Variants in SEPTIN4 observed in about 807,000 individuals in gnomAD.
The protein encoded by SEPTIN4 is septin-4.
Under a neutral mutation model 107.1 loss-of-function variants are expected in SEPTIN4, and 52 were observed. The ratio of observed to expected loss-of-function variants is 0.49; its 90% confidence interval spans 0.39 to 0.61. The LOEUF (loss-of-function observed/expected upper bound fraction) is 0.61, where lower values mean the gene tolerates loss of function less well. Among genes scored for constraint, SEPTIN4 ranks in the 20% least tolerant of loss-of-function variants. The pLI is 0.00. For missense variants in SEPTIN4, 1,048 were observed against 1,243.5 expected (o/e 0.84, Z 2.36); for synonymous variants, 417 against 467.0 (o/e 0.89, Z 1.38).
At chr17:58,532,075 G>T (rs1167088580) in intron 3 of SEPTIN4, 2 of 1,097,528 alleles carry the variant, frequency 1.8e-6, no homozygotes, top group Admixed American at 5.1e-5. Flanking sequence ...CCCCGAGTGC[G>T]GACCGCTGCG....
intron 3 of SEPTIN4, among the ~76,000 whole-genome samples, chr17:58,537,694 G>C (rs1331514322): frequency 5.9e-5 from 9 of 152,032 alleles, no homozygotes; most frequent in Admixed American, 2.0e-4. Context: ...GCTGGGCGTG[G>C]TGGCGGGTGC....
intron 7 of SEPTIN4, among the ~76,000 whole-genome samples, chr17:58,523,739 C>T (rs1406314207): frequency 1.3e-5 from 2 of 151,862 alleles, no homozygotes; most frequent in Non-Finnish European, 2.9e-5. Context: ...GAACACGGGG[C>T]CCTACATTTT....
intron 3 of SEPTIN4, among the ~76,000 whole-genome samples, chr17:58,539,744 GGAGA>G (rs1458413595): frequency 6.6e-6 from 1 of 152,056 alleles, no homozygotes; most frequent in African/African-American, 2.4e-5. Flanking sequence ...AGGAAGGGAG[GGAGA>G]GAGAGAGGAG....
Position 58,521,649 on chromosome 17 carries a change from G to A in SEPTIN4, c.2470-3C>T. The A allele has an allele frequency of 6.2e-7, 1 of 1,614,196 alleles. No homozygotes were observed. Among genetic ancestry groups the A allele is most frequent in the Non-Finnish European group, 8.5e-7 (1 of 1,180,034 alleles). On this transcript the variant is annotated splice_polypyrimidine_tract_variant and splice_region_variant and intron_variant, in intron 9 of 13. Coordinates refer to ENST00000672673, the MANE Select transcript of SEPTIN4 (RefSeq NM_001368771.2). This position sits in a 1 kb window ranked among gnomAD's most constrained non-coding sequence, Gnocchi z 6.4. ...AAATGCTCAATCTCCTCCCGGATCT[G>A]ACAAACAGATGAGGGGCCCACAGTT...
rs375774584 is a variant in SEPTIN4, at chr17:58,527,673, C to T, written c.1615-695G>A. ...GGGCCCTGGGAGAGAAGAGTAAACC[C>T]GCCAGTGGATGCTGACTGTGGGTGG... On this transcript the variant is annotated intron_variant, in intron 3 of 13. Coordinates refer to ENST00000672673, the MANE Select transcript of SEPTIN4 (RefSeq NM_001368771.2). 2.1e-5 allele frequency: 5 copies of T among 234,886 alleles called. No homozygotes were observed. The South Asian group carries it at 4.6e-4, about 22-fold the overall frequency. 14.6% of individuals were successfully genotyped at this position (234,886 alleles called of 1,614,324 possible). A position where few individuals can be genotyped will look rare whatever the true frequency, so the allele number is the denominator to read the frequency against.
chr17:58,542,806 C>A lies in SEPTIN4; in HGVS notation c.1381G>T (p.Gly461Cys), dbSNP rs17822735. The change falls in exon 1 of 14, where the codon GGT (glycine) becomes TGT (cysteine). Residue 461 changes from glycine (G) to cysteine (C), a missense_variant. Physicochemically the swap from Gly to Cys is radical, Grantham distance 159. Coordinates refer to ENST00000672673, the MANE Select transcript of SEPTIN4 (RefSeq NM_001368771.2). ...CSPSLDLLLS[G>C]FKIDSSPFCE... ...AAAGGGCTAGAGTCTATTTTAAAACCGGACAATAAAAGATCTAGGGAAGGA... is the reference window on the plus strand; with the variant it reads ...AAAGGGCTAGAGTCTATTTTAAAACAGGACAATAAAAGATCTAGGGAAGGA... 1.2e-6 allele frequency: 2 copies of A among 1,613,876 alleles called. No homozygotes were observed. The highest frequency in any genetic ancestry group is 4.5e-5 in the East Asian group (2 of 44,856).
chr17:58,520,643 A>C, intron 13 of SEPTIN4, 100 bp downstream of exon 13: 4 of 1,551,902 alleles, frequency 2.6e-6, no homozygotes, highest in Non-Finnish European at 3.5e-6. Flanking sequence ...CCAGGACCCA[A>C]ATATGCACCA....
rs1219672723 is a variant in SEPTIN4 at position 58,524,902 on chromosome 17, T to A, written c.2216+176A>T. 5 of 747,256 alleles carry A rather than the reference T, an allele frequency of 6.7e-6. No individual in the cohort carries two copies. The Admixed American group carries it at 9.6e-5, about 14-fold the overall frequency. The allele number at this position is 747,256 out of a possible 1,614,324, so 46.3% of individuals were successfully genotyped here. A position where few individuals can be genotyped will look rare whatever the true frequency, so the allele number is the denominator to read the frequency against. On this transcript the variant is annotated intron_variant, in intron 7 of 13. Coordinates refer to ENST00000672673, the MANE Select transcript of SEPTIN4 (RefSeq NM_001368771.2). Reference sequence around the variant, plus strand: ...GAACATTAAAAATCATCTATTCCAATCCTTTCCCTCTTACTTTATAAAGGA... The same window carrying A: ...GAACATTAAAAATCATCTATTCCAAACCTTTCCCTCTTACTTTATAAAGGA...
In SEPTIN4 at chr17:58,521,604, A is replaced by G. The variant is rs1237157492; in HGVS notation, c.2512T>C (p.Phe838Leu). Residue 838 changes from phenylalanine to leucine, a missense_variant, in exon 10 of 14, where the codon TTC (phenylalanine) becomes CTC (leucine). Transcript: ENST00000672673. The surrounding 1 kb of genome is among the most constrained non-coding windows in gnomAD (Gnocchi z 6.4). ...IEHFGIKIYQFPDCDSDEDED... is the reference protein window; with the variant it reads ...IEHFGIKIYQLPDCDSDEDED... The stretch of plus-strand genomic sequence containing the variant: ...TCCTCATCAGAGTCACAGTCTGGGA[A>G]TTGATAGATCTTGATTCCAAAATGC... The G allele has an allele frequency of 6.2e-7, 1 of 1,614,210 alleles. No individual in the cohort carries two copies. The highest frequency in any genetic ancestry group is 8.5e-7 in the Non-Finnish European group (1 of 1,180,036).
chr17:58,522,837 T>TA (rs2042420709), intron 7 of SEPTIN4, among the ~76,000 whole-genome samples: 1 of 152,074 alleles, frequency 6.6e-6, no homozygotes, highest in Non-Finnish European at 1.5e-5. Flanking sequence ...TTCAAGGCCC[T>TA]AAGAACCATC....
chr17:58,535,422 T>C (rs1337618939), intron 3 of SEPTIN4, among the ~76,000 whole-genome samples: 1 of 152,212 alleles, frequency 6.6e-6, no homozygotes, highest in Non-Finnish European at 1.5e-5. Flanking sequence ...ACAAACCTCC[T>C]AATGTGACTA....
At chr17:58,533,958 C>T (rs556338700) in intron 3 of SEPTIN4, among the ~76,000 whole-genome samples, 4 of 152,178 alleles carry the variant, frequency 2.6e-5, no homozygotes, top group South Asian at 2.1e-4. Context: ...TGCCCCTCCC[C>T]GTGGCCTCAG....
intron 3 of SEPTIN4, chr17:58,529,063 A>C: frequency 1.3e-6 from 2 of 1,598,200 alleles, no homozygotes; most frequent in Non-Finnish European, 1.7e-6. Context: ...ATCCCAGCCA[A>C]GGCAGGGGGA....
At chr17:58,535,478 G>A (rs915494472) in intron 3 of SEPTIN4, among the ~76,000 whole-genome samples, 14 of 152,212 alleles carry the variant, frequency 9.2e-5, no homozygotes, top group African/African-American at 2.4e-4. Context: ...GCCTCTGCTC[G>A]AATACATACC....
chr17:58,540,726 C>G, intron 2 of SEPTIN4, 53 bp from the exon 3 acceptor site: 1 of 1,321,284 alleles, frequency 7.6e-7, no homozygotes, highest in Non-Finnish European at 9.6e-7. Flanking sequence ...AAATGGAATT[C>G]AGAGAGTGCC....
chr17:58,532,116 TCGGCCC>T (rs2043527247), intron 3 of SEPTIN4: 1 of 1,051,248 alleles, frequency 9.5e-7, no homozygotes, highest in Non-Finnish European at 1.1e-6. Context: ...GCGGAGCGAG[TCGGCCC>T]CGGGGCGGGG....
At chr17:58,539,020 G>T in intron 3 of SEPTIN4, 1 of 736,808 alleles carries the variant, frequency 1.4e-6, no homozygotes, top group Non-Finnish European at 2.1e-6. Flanking sequence ...TCCTGAGGCT[G>T]CATGGGGCCA....
At chr17:58,531,839 C>T in intron 3 of SEPTIN4, 2 of 943,254 alleles carry the variant, frequency 2.1e-6, no homozygotes, top group South Asian at 5.0e-5. Flanking sequence ...CCGGCGACGG[C>T]GCCTCCCACC....
At chr17:58,526,477 T>C (rs2042888202) in intron 4 of SEPTIN4, 164 bp from the exon 5 acceptor site, 1 of 1,392,462 alleles carries the variant, frequency 7.2e-7, no homozygotes, top group Non-Finnish European at 9.3e-7. Flanking sequence ...CTCCTGCCCT[T>C]GCTGAAACTG....
Sources: gnomAD v4.1 joint callset for allele counts (sites outside exome capture counted in the v4.1 genomes callset) on GRCh38, gnomAD v4.1.1 for gene constraint, Gnocchi (gnomAD v3.1) non-coding constraint, MANE v1.5 for transcripts, NCBI Gene and HGNC (gene_info 2026-07-23, HGNC 2026-07-21) for gene names.